The following TDRD15 variants were observed in gnomAD, a reference collection of about 807,000 sequenced individuals.
The protein encoded by TDRD15 is tudor domain containing 15.
For missense variants in TDRD15, 1,416 were observed against 904.7 expected (o/e 1.57, Z -7.25); for synonymous variants, 503 against 314.5 (o/e 1.60, Z -6.34).
intron 2 of TDRD15, among the ~76,000 whole-genome samples, chr2:21,132,395 T>C (rs1295726494): frequency 6.6e-6 from 1 of 151,952 alleles, no homozygotes; most frequent in Non-Finnish European, 1.5e-5. Flanking sequence ...TATTCACAGG[T>C]TGGGATGGGG....
At chr2:21,129,068 C>G (rs1008441042) in intron 2 of TDRD15, among the ~76,000 whole-genome samples, 5 of 152,112 alleles carry the variant, frequency 3.3e-5, no homozygotes, top group Non-Finnish European at 7.4e-5. Flanking sequence ...TCCTAAGTAG[C>G]TGGGACCAGA....
At position 21,138,070 on chromosome 2, in the gene TDRD15, T is replaced by G. The variant is rs1459941519; in HGVS notation, c.603T>G (p.Pro201=). ...TTGTGGAAATGTTAGAAGAATTCCC[T>G]CAACAAATGCCAGATTTATTACAAC... ...RLIVEMLEEF[P]QQMPDLLQHK... Residue 201 remains proline, a synonymous_variant, in exon 4 of 4, where the codon CCT becomes CCG. Transcript: ENST00000405799. The G allele has an allele frequency of 2.8e-6, 2 of 716,072 alleles. No homozygotes were observed. Among genetic ancestry groups the G allele is most frequent in the Non-Finnish European group, 5.2e-6 (2 of 384,318 alleles). The allele number at this position is 716,072 out of a possible 1,614,324, so 44.4% of individuals were successfully genotyped here.
At chr2:21,125,692 A>C (rs534523634) in intron 1 of TDRD15, among the ~76,000 whole-genome samples, 3 of 152,310 alleles carry the variant, frequency 2.0e-5, no homozygotes, top group African/African-American at 7.2e-5. Context: ...TGTCAGCTAA[A>C]GCAGAGGGTA....
At chr2:21,125,131 CTAA>C (rs1665559307) in intron 1 of TDRD15, among the ~76,000 whole-genome samples, 1 of 145,172 alleles carries the variant, frequency 6.9e-6, no homozygotes, top group African/African-American at 2.6e-5. Context: ...TAGAGAAATC[CTAA>C]TGTCAGGGTG....
In TDRD15 at chr2:21,140,085, G is replaced by T. The variant is rs1008381817; in HGVS notation, c.2618G>T (p.Ser873Ile). 1 of 716,034 alleles carries T rather than the reference G, an allele frequency of 1.4e-6. No homozygotes were observed. The highest frequency in any genetic ancestry group is 2.6e-6 in the Non-Finnish European group (1 of 383,998). The allele number at this position is 716,034 out of a possible 1,614,324, so 44.4% of individuals were successfully genotyped here. A position where few individuals can be genotyped will look rare whatever the true frequency, so the allele number is the denominator to read the frequency against. The change falls in exon 4 of 4, where the codon AGT becomes ATT. Residue 873 changes from serine (S) to isoleucine (I), a missense_variant. Transcript: ENST00000405799. ...CTTAACCATTTTATTGAGCCTGTTAGTTGTAAATTATTCAGTTGGACAAGA... is the reference window on the plus strand; with the variant it reads ...CTTAACCATTTTATTGAGCCTGTTATTTGTAAATTATTCAGTTGGACAAGA... ...CCLNHFIEPVSCKLFSWTRKA... is the reference protein window; with the variant it reads ...CCLNHFIEPVICKLFSWTRKA...
At position 21,143,040 on chromosome 2, in the gene TDRD15, GA is replaced by G; in HGVS notation, c.5577del (p.Lys1859AsnfsTer15). The G allele has an allele frequency of 1.4e-6, 1 of 689,868 alleles. No homozygotes were observed. Among genetic ancestry groups the G allele is most frequent in the Non-Finnish European group, 2.7e-6 (1 of 375,576 alleles). The allele number at this position is 689,868 out of a possible 1,614,324, so 42.7% of individuals were successfully genotyped here. A position where few individuals can be genotyped will look rare whatever the true frequency, so the allele number is the denominator to read the frequency against. ...TTATATGGTATCTTACCTGCTAAAG[GA>G]AAACATTGGAGTGAAGAAGCCAAAA... is the stretch of plus-strand genomic sequence containing the variant. ...CILYGILPAK[G>X]KHWSEEAKIF... On this transcript the variant is annotated frameshift_variant, in exon 4 of 4. Coordinates refer to ENST00000405799, the MANE Select transcript of TDRD15 (RefSeq NM_001306137.2). LOFTEE classifies it low-confidence loss of function (END_TRUNC).
rs1192836299 is a variant in TDRD15, at chr2:21,139,623, C to G, written c.2156C>G (p.Ser719Cys). The change falls in exon 4 of 4, where the codon TCT becomes TGT. Residue 719 changes from serine (S) to cysteine (C), a missense_variant. By Grantham distance (112) the Ser-to-Cys change is moderately radical. Coordinates refer to ENST00000405799, the MANE Select transcript of TDRD15 (RefSeq NM_001306137.2). ...AATAACCTGGTGGAAAATAACTTGTCTTTGCCAAAGTCCCTAGCTGTTAAT... is the reference window on the plus strand; with the variant it reads ...AATAACCTGGTGGAAAATAACTTGTGTTTGCCAAAGTCCCTAGCTGTTAAT... ...HSNNLVENNL[S>C]LPKSLAVNIS... 4.2e-6 allele frequency: 3 copies of G among 715,190 alleles called. No individual in the cohort carries two copies. Among genetic ancestry groups the G allele is most frequent in the Non-Finnish European group, 7.8e-6 (3 of 383,868 alleles). 44.3% of individuals were successfully genotyped at this position (715,190 alleles called of 1,614,324 possible).
In TDRD15 at chr2:21,139,928, T is replaced by C. The variant is rs1164157819; in HGVS notation, c.2461T>C (p.Leu821=). The C allele has an allele frequency of 2.8e-6, 2 of 715,976 alleles. No homozygotes were observed. Among genetic ancestry groups the C allele is most frequent in the East Asian group, 5.4e-5 (2 of 37,242 alleles). The allele number at this position is 715,976 out of a possible 1,614,324, so 44.4% of individuals were successfully genotyped here. The change falls in exon 4 of 4, where the codon TTG becomes CTG. Residue 821 remains leucine (L), a synonymous_variant. Transcript: ENST00000405799. ...TGGGAAGTGGTGTAGAGCTGCTGTT[T>C]TGACTCAAGTATCAAAAGAAGTTGA... ...YSGKWCRAAV[L]TQVSKEVDIV... is the part of the protein sequence containing the mutation.
Position 21,142,602 on chromosome 2 carries a change from C to G in TDRD15, c.5135C>G (p.Ser1712Cys). The change falls in exon 4 of 4, where the codon TCT (serine) becomes TGT (cysteine). Residue 1712 changes from serine to cysteine, a missense_variant. Coordinates refer to ENST00000405799, the MANE Select transcript of TDRD15 (RefSeq NM_001306137.2). The stretch of plus-strand genomic sequence containing the variant: ...GCAGAAATTGTTTACAACATTGAAT[C>G]TAAGACTCCTGTATCATCATGCACA... ...RLAEIVYNIESKTPVSSCTIK... is the reference protein window; with the variant it reads ...RLAEIVYNIECKTPVSSCTIK... The G allele has an allele frequency of 1.4e-6, 1 of 712,750 alleles. No individual in the cohort carries two copies. Among genetic ancestry groups the G allele is most frequent in the South Asian group, 1.5e-5 (1 of 66,862 alleles). 44.2% of individuals were successfully genotyped at this position (712,750 alleles called of 1,614,324 possible). A position where few individuals can be genotyped will look rare whatever the true frequency, so the allele number is the denominator to read the frequency against.
downstream of TDRD15, among the ~76,000 whole-genome samples, chr2:21,145,692 TAAAAC>T (rs547042887): frequency 9.3e-4 from 142 of 152,098 alleles, 1 homozygote; most frequent in South Asian, 0.012. Context: ...ATCATAGCCT[TAAAAC>T]AAAACAAGAA....
intron 2 of TDRD15, among the ~76,000 whole-genome samples, chr2:21,129,086 G>C (rs1164817809): frequency 2.6e-5 from 4 of 152,050 alleles, no homozygotes; most frequent in Admixed American, 2.6e-4. Context: ...AGAGGTGCAC[G>C]TTACCATGCC....
In TDRD15 at chr2:21,134,670, C is replaced by CA. The variant is rs564175243; in HGVS notation, c.-89-85dup. 3.3e-5 allele frequency: 5 copies of CA among 151,564 alleles called. No individual in the cohort carries two copies. The South Asian group carries it at 1.0e-3, about 31-fold the overall frequency. 9.4% of individuals were successfully genotyped at this position (151,564 alleles called of 1,614,324 possible). On this transcript the variant is annotated intron_variant, in intron 2 of 3. Coordinates refer to ENST00000405799, the MANE Select transcript of TDRD15 (RefSeq NM_001306137.2). ...CATTTTATAGGTATTTTGATTTTTG[C>CA]AAAAAAATCTTTTGCATTTTACATT...
At chr2:21,127,008 A>G (rs934502090) in intron 1 of TDRD15, among the ~76,000 whole-genome samples, 1 of 152,148 alleles carries the variant, frequency 6.6e-6, no homozygotes, top group Non-Finnish European at 1.5e-5. Flanking sequence ...AATTTCAGCC[A>G]TTCTAGTGGA....
Position 21,142,176 on chromosome 2 carries a change from T to G in TDRD15, c.4709T>G (p.Leu1570Ter). 1.5e-6 allele frequency: 1 copy of G among 673,744 alleles called. No individual in the cohort carries two copies. The highest frequency in any genetic ancestry group is 2.7e-6 in the Non-Finnish European group (1 of 373,104). The allele number at this position is 673,744 out of a possible 1,614,324, so 41.7% of individuals were successfully genotyped here. A position where few individuals can be genotyped will look rare whatever the true frequency, so the allele number is the denominator to read the frequency against. Residue 1570 changes from leucine (L) to a stop codon, truncating the protein, a stop_gained, in exon 4 of 4, where the codon TTA (leucine) becomes TGA (stop). Transcript: ENST00000405799. LOFTEE classifies it low-confidence loss of function (END_TRUNC). Reference sequence around the variant, plus strand: ...AAAGAAGAAAAAAAATCCCCTTTTTTATCAATGGAAAGTATTGAAAAAGGT... The same window carrying G: ...AAAGAAGAAAAAAAATCCCCTTTTTGATCAATGGAAAGTATTGAAAAAGGT... ...ITKEEKKSPF[L>*]SMESIEKGLE...
downstream of TDRD15, among the ~76,000 whole-genome samples, chr2:21,145,533 T>A (rs112962207): frequency 2.0e-3 from 305 of 152,106 alleles, 1 homozygote; most frequent in African/African-American, 6.9e-3. Flanking sequence ...AAAGTAGCTG[T>A]TGTAAAAGCA....
At chr2:21,136,473 T>C (rs1383591927) in intron 3 of TDRD15, among the ~76,000 whole-genome samples, 2 of 152,082 alleles carry the variant, frequency 1.3e-5, no homozygotes, top group African/African-American at 4.8e-5. Flanking sequence ...TTGCTATTTC[T>C]TTCAGTACAT....
chr2:21,130,354 A>G (rs1262878664), intron 2 of TDRD15, among the ~76,000 whole-genome samples: 1 of 152,342 alleles, frequency 6.6e-6, no homozygotes, highest in South Asian at 2.1e-4. Context: ...AATGCTGGCA[A>G]CAAAAGAGAT....
In TDRD15 at chr2:21,144,300, G is replaced by A. The variant is rs1421733504; in HGVS notation, c.*1028G>A. Among the ~76,000 whole-genome samples the A allele has an allele frequency of 6.6e-6, 1 of 151,736 alleles. No individual in the cohort carries two copies. The highest frequency in any genetic ancestry group is 1.9e-4 in the East Asian group (1 of 5,190). On this transcript the variant is annotated 3_prime_UTR_variant, in exon 4 of 4. Coordinates refer to ENST00000405799, the MANE Select transcript of TDRD15 (RefSeq NM_001306137.2). ...GTATGGATTAGTTACTGAGGATTTT[G>A]TAGGCTGTAAAGAATGTTCCCCGGC...
At chr2:21,145,321 C>T (rs910659512), downstream of TDRD15, among the ~76,000 whole-genome samples, 6 of 152,006 alleles carry the variant, frequency 3.9e-5, no homozygotes, top group African/African-American at 1.4e-4. Context: ...AAAGAGTTAG[C>T]TTACTTGGGG....
Sources: allele counts gnomAD v4.1 joint callset (sites outside exome capture counted in the v4.1 genomes callset), GRCh38; gene constraint gnomAD v4.1.1; transcripts MANE v1.5; gene names NCBI Gene and HGNC (gene_info 2026-07-23, HGNC 2026-07-21).